Variants in PTP4A1 observed in about 807,000 individuals in gnomAD.
PTP4A1 encodes protein tyrosine phosphatase 4A1.
Under a neutral mutation model 20.5 loss-of-function variants are expected in PTP4A1, and 9 were observed. The observed-to-expected ratio is 0.44, with a 90% CI of 0.26 to 0.77. The LOEUF (loss-of-function observed/expected upper bound fraction) is 0.77, where lower values mean the gene tolerates loss of function less well. Ranked by LOEUF, PTP4A1 falls within the 30% of genes least tolerant of loss-of-function variation. The pLI is 0.19. For synonymous variants in PTP4A1, 78 were observed against 67.4 expected (o/e 1.16, Z -0.77); for missense variants, 137 against 218.8 (o/e 0.63, Z 2.36).
intron 1 of PTP4A1, among the ~76,000 whole-genome samples, chr6:63,575,275 C>T (rs1162116767): frequency 6.6e-6 from 1 of 152,178 alleles, no homozygotes; most frequent in Non-Finnish European, 1.5e-5. Flanking sequence ...ACATGAAGTG[C>T]TTGAGGCAGT....
At chr6:63,549,664 A>T (rs985241682) in intron 2 of PTP4A1, among the ~76,000 whole-genome samples, 1 of 152,136 alleles carries the variant, frequency 6.6e-6, no homozygotes, top group Non-Finnish European at 1.5e-5. Flanking sequence ...AGTAACACGG[A>T]TAGAACTGGA....
At chr6:63,556,593 A>G (rs1776697439) in intron 3 of PTP4A1, among the ~76,000 whole-genome samples, 1 of 152,194 alleles carries the variant, frequency 6.6e-6, no homozygotes, top group Non-Finnish European at 1.5e-5. Flanking sequence ...GGAGGATGAT[A>G]CCACAGGGGA....
At chr6:63,544,644 T>C (rs983846466) in intron 2 of PTP4A1, among the ~76,000 whole-genome samples, 1 of 152,190 alleles carries the variant, frequency 6.6e-6, no homozygotes, top group Non-Finnish European at 1.5e-5. Flanking sequence ...TTATCTTCTA[T>C]ATGACCTTGA....
chr6:63,560,194 G>A (rs947059238), intron 3 of PTP4A1, among the ~76,000 whole-genome samples: 6 of 151,430 alleles, frequency 4.0e-5, no homozygotes, highest in African/African-American at 7.3e-5. Flanking sequence ...AAAAATTAGC[G>A]GGATGTGGTG....
At chr6:63,555,725 G>A (rs200083167) in intron 3 of PTP4A1, among the ~76,000 whole-genome samples, 13 of 137,694 alleles carry the variant, frequency 9.4e-5, no homozygotes, top group Admixed American at 5.6e-4. Context: ...ACGGAGTCTC[G>A]CTCTGTCACC....
At chr6:63,569,300 G>A (rs1334558086), upstream of PTP4A1, among the ~76,000 whole-genome samples, 1 of 152,170 alleles carries the variant, frequency 6.6e-6, no homozygotes, top group African/African-American at 2.4e-5. Flanking sequence ...CTGTCTCCCA[G>A]GCTAGAGTGC....
At chr6:63,521,111 A>T (rs946397401), upstream of PTP4A1, among the ~76,000 whole-genome samples, 3 of 152,094 alleles carry the variant, frequency 2.0e-5, no homozygotes, top group African/African-American at 7.2e-5. Context: ...GAGGGAGAGC[A>T]TGCGGGGCTT....
chr6:63,577,199 T>G (rs539026351), intron 2 of PTP4A1, among the ~76,000 whole-genome samples: 1 of 152,306 alleles, frequency 6.6e-6, no homozygotes, highest in South Asian at 2.1e-4. Context: ...GTACCTGAGT[T>G]TGCTTGAATT....
intron 2 of PTP4A1, among the ~76,000 whole-genome samples, chr6:63,577,475 G>C (rs1777944003): frequency 6.6e-6 from 1 of 152,104 alleles, no homozygotes; most frequent in Non-Finnish European, 1.5e-5. Context: ...ATAATATATC[G>C]GGATGTGCAC....
In PTP4A1 at chr6:63,572,577, C is replaced by T. The variant is rs962951011; in HGVS notation, c.-588C>T. ...GCATGGTAGAGTCTGGTGCCCCCGCCGCCGCCTGCATCGCCGCCACCGCCG... is the reference window on the plus strand; with the variant it reads ...GCATGGTAGAGTCTGGTGCCCCCGCTGCCGCCTGCATCGCCGCCACCGCCG... On this transcript the variant is annotated 5_prime_UTR_variant, in exon 1 of 6. Coordinates refer to ENST00000626021, the MANE Select transcript of PTP4A1 (RefSeq NM_003463.5). 1.2e-5 allele frequency: 5 copies of T among 414,860 alleles called. No individual in the cohort carries two copies. Among genetic ancestry groups the T allele is most frequent in the Non-Finnish European group, 1.7e-5 (4 of 239,476 alleles). 25.7% of individuals were successfully genotyped at this position (414,860 alleles called of 1,614,324 possible). A position where few individuals can be genotyped will look rare whatever the true frequency, so the allele number is the denominator to read the frequency against.
intron 2 of PTP4A1, among the ~76,000 whole-genome samples, chr6:63,546,065 C>T (rs1482885458): frequency 2.0e-5 from 3 of 152,130 alleles, no homozygotes; most frequent in Non-Finnish European, 2.9e-5. Context: ...GAAGAGACAT[C>T]TACACTCCCT....
chr6:63,582,867 T>C lies in PTP4A1; in HGVS notation c.*2693T>C, dbSNP rs1778330829. 6.6e-6 allele frequency: 1 copy of C among 152,268 alleles called. No individual in the cohort carries two copies. The highest frequency in any genetic ancestry group is 2.4e-5 in the African/African-American group (1 of 41,448). The allele number at this position is 152,268 out of a possible 1,614,324, so 9.4% of individuals were successfully genotyped here. ...CTATTCCCACGCCTTAACACAGCTC[T>C]ATACCTAGAAGCAGCCAGCCCAGGC... On this transcript the variant is annotated 3_prime_UTR_variant, in exon 6 of 6. Transcript: ENST00000626021.
chr6:63,534,455 A>AC (rs2149479642), intron 2 of PTP4A1, among the ~76,000 whole-genome samples: 1 of 131,518 alleles, frequency 7.6e-6, no homozygotes, highest in African/African-American at 3.2e-5. Context: ...ACAGAGAAAC[A>AC]CACACACACA....
intron 2 of PTP4A1, among the ~76,000 whole-genome samples, chr6:63,539,801 G>A (rs1434825900): frequency 6.6e-6 from 1 of 151,728 alleles, no homozygotes; most frequent in African/African-American, 2.4e-5. Flanking sequence ...ATATGAATAG[G>A]CAATCTTCAG....
chr6:63,572,606 C>A lies in PTP4A1; in HGVS notation c.-559C>A. On this transcript the variant is annotated 5_prime_UTR_variant, in exon 1 of 6. Transcript: ENST00000626021. ...GCCTGCATCGCCGCCACCGCCGCTCCGCCACGACCACCGCCGCCTCCTGCC... is the reference window on the plus strand; with the variant it reads ...GCCTGCATCGCCGCCACCGCCGCTCAGCCACGACCACCGCCGCCTCCTGCC... 2 of 419,308 alleles carry A rather than the reference C, an allele frequency of 4.8e-6. No individual in the cohort carries two copies. The highest frequency in any genetic ancestry group is 8.2e-6 in the Non-Finnish European group (2 of 243,078). 26.0% of individuals were successfully genotyped at this position (419,308 alleles called of 1,614,324 possible). A position where few individuals can be genotyped will look rare whatever the true frequency, so the allele number is the denominator to read the frequency against.
intron 3 of PTP4A1, among the ~76,000 whole-genome samples, chr6:63,563,349 G>C (rs1442958054): frequency 6.6e-6 from 1 of 152,102 alleles, no homozygotes; most frequent in African/African-American, 2.4e-5. Context: ...CAGTCCCTCA[G>C]GTCTTCCAAC....
chr6:63,583,213 T>C lies in PTP4A1; in HGVS notation c.*3039T>C, dbSNP rs1440803317. The C allele has an allele frequency of 6.6e-6, 1 of 152,214 alleles. No homozygotes were observed. Among genetic ancestry groups the C allele is most frequent in the Admixed American group, 6.5e-5 (1 of 15,268 alleles). The allele number at this position is 152,214 out of a possible 1,614,324, so 9.4% of individuals were successfully genotyped here. The stretch of plus-strand genomic sequence containing the variant: ...AAGTGAATGATATTTTTCTTTTACA[T>C]GTAAACAATGAAGTTATTTCAAAGT... On this transcript the variant is annotated 3_prime_UTR_variant, in exon 6 of 6. Coordinates refer to ENST00000626021, the MANE Select transcript of PTP4A1 (RefSeq NM_003463.5).
chr6:63,517,030 G>C (rs1774753786), upstream of PTP4A1, among the ~76,000 whole-genome samples: 1 of 152,088 alleles, frequency 6.6e-6, no homozygotes, highest in South Asian at 2.1e-4. Context: ...TTATTTCTCT[G>C]TCTGCCAAAC....
chr6:63,567,993 A>T (rs571292681), upstream of PTP4A1, among the ~76,000 whole-genome samples: 3 of 152,216 alleles, frequency 2.0e-5, no homozygotes, highest in Non-Finnish European at 4.4e-5. Flanking sequence ...CTCAGCCTTC[A>T]TAAAAATGAA....
Sources: allele counts gnomAD v4.1 joint callset (sites outside exome capture counted in the v4.1 genomes callset), GRCh38; gene constraint gnomAD v4.1.1; transcripts MANE v1.5; gene names NCBI Gene and HGNC (gene_info 2026-07-23, HGNC 2026-07-21).